Variants in KCNH7 observed in about 807,000 individuals in gnomAD.
KCNH7 encodes voltage-gated inwardly rectifying potassium channel KCNH7.
KCNH7 carries 49 observed loss-of-function variants against 120.8 expected under a neutral mutation model. The observed-to-expected ratio is 0.41, with a 90% CI of 0.32 to 0.51. KCNH7 has a LOEUF of 0.51. Among genes scored for constraint, KCNH7 ranks in the 20% least tolerant of loss-of-function variants. The pLI is 0.38. For missense variants in KCNH7, 1,097 were observed against 1,446.6 expected (o/e 0.76, Z 3.92); for synonymous variants, 547 against 516.1 (o/e 1.06, Z -0.81).
At position 162,744,864 on chromosome 2, in the gene KCNH7, C is replaced by T. The variant is rs566170267; in HGVS notation, c.307+91673G>A. Among the ~76,000 whole-genome samples the T allele has an allele frequency of 8.8e-4, 134 of 152,240 alleles. 1 individual carries two copies. Among genetic ancestry groups the T allele is most frequent in the African/African-American group, 2.5e-3 (104 of 41,560 alleles). On this transcript the variant is annotated intron_variant, in intron 2 of 15. Coordinates refer to ENST00000332142, the MANE Select transcript of KCNH7 (RefSeq NM_033272.4). Reference sequence around the variant, plus strand: ...CTGGGATTACAGGCGTGAGCCACCGCGCCCGGCCGACAGAACTTTTAATTA... The same window carrying T: ...CTGGGATTACAGGCGTGAGCCACCGTGCCCGGCCGACAGAACTTTTAATTA...
At chr2:162,749,258 C>T (rs562587125) in intron 2 of KCNH7, among the ~76,000 whole-genome samples, 12 of 150,910 alleles carry the variant, frequency 8.0e-5, no homozygotes, top group African/African-American at 2.0e-4. Flanking sequence ...TTAAGACTTT[C>T]GATCACCTTT....
chr2:162,594,070 G>C (rs1694297169), intron 2 of KCNH7, among the ~76,000 whole-genome samples: 1 of 151,766 alleles, frequency 6.6e-6, no homozygotes, highest in African/African-American at 2.4e-5. Flanking sequence ...ACTTTTCTTT[G>C]GTTTCATAGC....
chr2:162,453,094 T>C (rs1290528571), intron 6 of KCNH7, among the ~76,000 whole-genome samples: 3 of 152,112 alleles, frequency 2.0e-5, no homozygotes, highest in Non-Finnish European at 4.4e-5. Flanking sequence ...TTTGTCCTAA[T>C]GCTCTCCCTC....
At chr2:162,540,092 G>GA (rs1021892888) in intron 2 of KCNH7, among the ~76,000 whole-genome samples, 7 of 147,124 alleles carry the variant, frequency 4.8e-5, no homozygotes, top group South Asian at 2.1e-4. Flanking sequence ...AAGCAATGAA[G>GA]AAAAAAAAAT....
intron 14 of KCNH7, among the ~76,000 whole-genome samples, chr2:162,376,929 T>C (rs1325751983): frequency 1.3e-5 from 2 of 152,204 alleles, no homozygotes; most frequent in Non-Finnish European, 2.9e-5. Context: ...TAATCAGTCA[T>C]TAAAGCAGAA....
At chr2:162,637,828 A>C (rs1045233029) in intron 2 of KCNH7, among the ~76,000 whole-genome samples, 1 of 152,090 alleles carries the variant, frequency 6.6e-6, no homozygotes, top group Non-Finnish European at 1.5e-5. Flanking sequence ...AGACATTAAC[A>C]TGCTGGTTTA....
At chr2:162,833,541 C>T (rs1014953170) in intron 2 of KCNH7, among the ~76,000 whole-genome samples, 2 of 152,036 alleles carry the variant, frequency 1.3e-5, no homozygotes, top group African/African-American at 4.8e-5. Flanking sequence ...ATGATTTATG[C>T]AATAATGACT....
chr2:162,835,439 T>C (rs1447153420), intron 2 of KCNH7, among the ~76,000 whole-genome samples: 1 of 152,062 alleles, frequency 6.6e-6, no homozygotes. Flanking sequence ...TACATATTTA[T>C]CAAAAGCTTA....
intron 2 of KCNH7, among the ~76,000 whole-genome samples, chr2:162,629,422 G>T (rs1453946296): frequency 2.0e-5 from 3 of 152,066 alleles, no homozygotes; most frequent in South Asian, 4.1e-4. Context: ...GCAGGATATA[G>T]AGGAAAAGGA....
At chr2:162,793,443 TTAAAA>T (rs1320538829) in intron 2 of KCNH7, among the ~76,000 whole-genome samples, 1 of 151,024 alleles carries the variant, frequency 6.6e-6, no homozygotes, top group Non-Finnish European at 1.5e-5. Flanking sequence ...ACCCCTCAAC[TTAAAA>T]TAAAAGTTAA....
At chr2:162,380,164 G>T in intron 13 of KCNH7, 143 bp from the exon 14 acceptor site, 13 of 925,594 alleles carry the variant, frequency 1.4e-5, no homozygotes, top group Non-Finnish European at 2.1e-5. Context: ...GATGTGTCCA[G>T]GGGCCACGGC....
chr2:162,659,136 C>T (rs1183788096), intron 2 of KCNH7, among the ~76,000 whole-genome samples: 1 of 152,078 alleles, frequency 6.6e-6, no homozygotes, highest in African/African-American at 2.4e-5. Flanking sequence ...GAGGAAGTTA[C>T]CTTCTATTGC....
chr2:162,373,595 C>A lies in KCNH7; in HGVS notation c.3199G>T (p.Val1067Phe). The change falls in exon 15 of 16, where the codon GTC (valine) becomes TTC (phenylalanine). Residue 1067 changes from valine to phenylalanine, a missense_variant. Physicochemically the swap from Val to Phe is conservative, Grantham distance 50 (BLOSUM62 -1). Around this residue, in one of 8 missense-constraint regions of KCNH7, gnomAD observed 406 missense variants for 410.5 expected, o/e 0.99. Coordinates refer to ENST00000332142, the MANE Select transcript of KCNH7 (RefSeq NM_033272.4). ...GTTACCATACTGTAGGCTGGGGGGA[C>A]CACAGTGGTTTGTTTCTGCAGCAAC... ...LQLLQKQTTV[V>F]PPAYSMVTAG... The A allele has an allele frequency of 6.3e-7, 1 of 1,576,918 alleles. No homozygotes were observed. The highest frequency in any genetic ancestry group is 8.6e-7 in the Non-Finnish European group (1 of 1,161,018).
At chr2:162,386,625 T>G (rs1054882840) in intron 12 of KCNH7, among the ~76,000 whole-genome samples, 6 of 151,870 alleles carry the variant, frequency 4.0e-5, no homozygotes, top group Non-Finnish European at 7.4e-5. Context: ...TCTACACTTT[T>G]GTGGAGTGTT....
intron 6 of KCNH7, among the ~76,000 whole-genome samples, chr2:162,468,841 C>T (rs943296220): frequency 6.6e-6 from 1 of 150,852 alleles, no homozygotes; most frequent in Non-Finnish European, 1.5e-5. Flanking sequence ...GCCACTGCAC[C>T]CAGCCTCTTT....
chr2:162,444,547 C>T (rs2105551000), intron 7 of KCNH7, among the ~76,000 whole-genome samples: 1 of 152,156 alleles, frequency 6.6e-6, no homozygotes, highest in Admixed American at 6.5e-5. Flanking sequence ...ACATTATGTC[C>T]AGAATTTTTA....
chr2:162,671,375 TA>T, intron 2 of KCNH7, among the ~76,000 whole-genome samples: 1 of 149,370 alleles, frequency 6.7e-6, no homozygotes, highest in Non-Finnish European at 1.5e-5. Context: ...ATTCAGCCAT[TA>T]AAAAAATGAA....
chr2:162,560,426 T>C (rs867825), intron 2 of KCNH7, among the ~76,000 whole-genome samples: 85,970 of 151,986 alleles, frequency 0.57, 24,932 homozygotes, highest in African/African-American at 0.67. Context: ...GAGGAAAGTC[T>C]GTGGCTGACA....
At chr2:162,379,161 GTGGTGAA>G (rs2105400460) in intron 14 of KCNH7, among the ~76,000 whole-genome samples, 1 of 152,246 alleles carries the variant, frequency 6.6e-6, no homozygotes, top group South Asian at 2.1e-4. Context: ...ATCTTGCCTG[GTGGTGAA>G]CTAAAAGGCT....
Sources: gnomAD v4.1 joint callset for allele counts (sites outside exome capture counted in the v4.1 genomes callset) on GRCh38, gnomAD v4.1.1 for gene constraint, gnomAD v4.1.1 regional missense constraint, MANE v1.5 for transcripts, NCBI Gene and HGNC (gene_info 2026-07-23, HGNC 2026-07-21) for gene names.